Variants in BTBD9 observed in about 807,000 individuals in gnomAD.
BTBD9 encodes BTB/POZ domain-containing protein 9.
In BTBD9, 49 loss-of-function variants were observed where a neutral mutation model predicts 64.3. That is an observed-to-expected ratio of 0.76 (90% CI 0.61 to 0.97). The LOEUF (loss-of-function observed/expected upper bound fraction) is 0.97. BTBD9 is among the 50% of genes least tolerant of loss of function. The probability of loss-of-function intolerance (pLI) is 0.00; values close to 1 mark genes in which losing one functional copy is unlikely to be tolerated. For missense variants in BTBD9, 598 were observed against 762.1 expected (o/e 0.78, Z 2.53); for synonymous variants, 260 against 274.7 (o/e 0.95, Z 0.53).
intron 6 of BTBD9, among the ~76,000 whole-genome samples, chr6:38,353,090 A>C (rs1764585925): frequency 6.6e-6 from 1 of 152,248 alleles, no homozygotes; most frequent in African/African-American, 2.4e-5. Flanking sequence ...CTTCTGGAAT[A>C]AAAGAAGAGT....
intron 6 of BTBD9, among the ~76,000 whole-genome samples, chr6:38,509,278 G>A (rs1772676086): frequency 6.6e-6 from 1 of 152,186 alleles, no homozygotes; most frequent in Non-Finnish European, 1.5e-5. Context: ...TACCAGGAGT[G>A]CAATTTTTAA....
At chr6:38,607,358 T>C (rs568056601) in intron 1 of BTBD9, among the ~76,000 whole-genome samples, 1 of 152,312 alleles carries the variant, frequency 6.6e-6, no homozygotes, top group South Asian at 2.1e-4. Flanking sequence ...AAATGTAAAG[T>C]AATTCCATTT....
rs191617487 is a variant in BTBD9 at position 38,538,736 on chromosome 6, T to G, written c.1154+38864A>C. On this transcript the variant is annotated intron_variant, in intron 6 of 10. Transcript: ENST00000481247. ...CATCCTCCTACCTTAGTCTCCAGAG[T>G]AGCTGGGACTACAGGCATGTGCCAC... is the stretch of plus-strand genomic sequence containing the variant. Among the ~76,000 whole-genome samples, 158 of 151,984 alleles carry G rather than the reference T, an allele frequency of 1.0e-3. 1 individual carries two copies. The highest frequency in any genetic ancestry group is 3.5e-3 in the African/African-American group (146 of 41,436).
chr6:38,383,038 G>A (rs1022928547), intron 6 of BTBD9, among the ~76,000 whole-genome samples: 1 of 152,126 alleles, frequency 6.6e-6, no homozygotes, highest in Non-Finnish European at 1.5e-5. Flanking sequence ...CGCATTTTAT[G>A]AGGCTGATAC....
intron 9 of BTBD9, among the ~76,000 whole-genome samples, chr6:38,198,604 G>C (rs1396940826): frequency 1.3e-5 from 2 of 152,162 alleles, no homozygotes; most frequent in African/African-American, 4.8e-5. Context: ...TGACTCTACT[G>C]CACATACTAT....
intron 6 of BTBD9, among the ~76,000 whole-genome samples, chr6:38,353,106 G>A (rs867982472): frequency 7.9e-5 from 12 of 152,236 alleles, no homozygotes; most frequent in African/African-American, 2.2e-4. Flanking sequence ...AGAGTCAAAC[G>A]GGAAAGTACA....
chr6:38,307,473 G>A (rs879505934), intron 7 of BTBD9, among the ~76,000 whole-genome samples: 1 of 152,146 alleles, frequency 6.6e-6, no homozygotes, highest in Non-Finnish European at 1.5e-5. Context: ...TCCCCCACCT[G>A]CTTCTGTGAG....
chr6:38,434,825 C>T (rs942858409), intron 6 of BTBD9, among the ~76,000 whole-genome samples: 5 of 151,772 alleles, frequency 3.3e-5, no homozygotes, highest in South Asian at 2.1e-4. Flanking sequence ...ACTACAGTCC[C>T]GCAGTATCCA....
intron 6 of BTBD9, among the ~76,000 whole-genome samples, chr6:38,450,317 TAGAC>T (rs1403833282): frequency 3.3e-5 from 5 of 152,298 alleles, no homozygotes; most frequent in Admixed American, 6.5e-5. Context: ...TATTTACAGT[TAGAC>T]AGAATAAGTT....
In BTBD9 at chr6:38,288,398, C is replaced by T; in HGVS notation, c.1328G>A (p.Ser443Asn). 1.9e-6 allele frequency: 3 copies of T among 1,614,100 alleles called. No individual in the cohort carries two copies. The African/African-American group carries it at 4.0e-5, about 22-fold the overall frequency. The change falls in exon 8 of 11, where the codon AGC becomes AAC. Residue 443 changes from serine to asparagine, a missense_variant. Coordinates refer to ENST00000481247, the MANE Select transcript of BTBD9 (RefSeq NM_001099272.2). ...GTCCCCATTCAGCAAGGCATTTCGG[C>T]TCCGACTGACTCCTTCAATCACACT... is the stretch of plus-strand genomic sequence containing the variant. ...CASVIEGVSR[S>N]RNALLNGDTK...
chr6:38,502,859 A>T (rs1341159071), intron 6 of BTBD9, among the ~76,000 whole-genome samples: 2 of 152,242 alleles, frequency 1.3e-5, no homozygotes, highest in African/African-American at 2.4e-5. Flanking sequence ...CCATTATTCT[A>T]GGTGATCATG....
At chr6:38,437,863 T>C (rs977229237) in intron 6 of BTBD9, among the ~76,000 whole-genome samples, 16 of 151,832 alleles carry the variant, frequency 1.1e-4, no homozygotes, top group African/African-American at 3.6e-4. Context: ...GGGTGGGGAA[T>C]GGGAAAACAA....
chr6:38,261,122 A>C, intron 8 of BTBD9, among the ~76,000 whole-genome samples: 1 of 150,184 alleles, frequency 6.7e-6, no homozygotes, highest in Middle Eastern at 3.4e-3. Context: ...TTTTTTTTTT[A>C]ATTTTGTTGC....
In BTBD9 at chr6:38,594,318, T is replaced by C. The variant is rs1776946975; in HGVS notation, c.195A>G (p.Leu65=). 1.2e-6 allele frequency: 2 copies of C among 1,609,562 alleles called. No homozygotes were observed. Among genetic ancestry groups the C allele is most frequent in the African/African-American group, 2.7e-5 (2 of 74,792 alleles). The change falls in exon 3 of 11, where the codon TTA becomes TTG. Residue 65 remains leucine, a synonymous_variant. Coordinates refer to ENST00000481247, the MANE Select transcript of BTBD9 (RefSeq NM_001099272.2). Reference sequence around the variant, plus strand: ...GCTGAGACTCTCGCATTCCACCATATAATAATGCTCTGCACATCAGGGAAG... The same window carrying C: ...GCTGAGACTCTCGCATTCCACCATACAATAATGCTCTGCACATCAGGGAAG... The part of the protein sequence containing the change: ...AARCQYFRAL[L]YGGMRESQPE...
intron 6 of BTBD9, among the ~76,000 whole-genome samples, chr6:38,449,543 T>A (rs1410805435): frequency 2.0e-5 from 3 of 148,146 alleles, no homozygotes; most frequent in Admixed American, 6.7e-5. Flanking sequence ...AAAAAAAAAA[T>A]GATGCTGAGA....
At chr6:38,240,549 C>G (rs1186174672) in intron 9 of BTBD9, among the ~76,000 whole-genome samples, 1 of 152,126 alleles carries the variant, frequency 6.6e-6, no homozygotes, top group East Asian at 1.9e-4. Context: ...AAGGAAATGG[C>G]AAAAGAAGAA....
At chr6:38,587,191 C>G in intron 4 of BTBD9, 2 of 186,340 alleles carry the variant, frequency 1.1e-5, no homozygotes, top group South Asian at 2.3e-4. Context: ...TGACCACAGA[C>G]TCCCTGCAAC....
intron 6 of BTBD9, among the ~76,000 whole-genome samples, chr6:38,363,086 A>T (rs1053608822): frequency 6.6e-6 from 1 of 152,064 alleles, no homozygotes; most frequent in Non-Finnish European, 1.5e-5. Context: ...TTTTTATTTT[A>T]TTTATTTTAT....
chr6:38,406,878 T>C (rs1767191263), intron 6 of BTBD9, among the ~76,000 whole-genome samples: 1 of 152,254 alleles, frequency 6.6e-6, no homozygotes, highest in East Asian at 1.9e-4. Flanking sequence ...GCTGGGACTA[T>C]AAGCGAGTGC....
Sources: gnomAD v4.1 joint callset for allele counts (sites outside exome capture counted in the v4.1 genomes callset) on GRCh38, gnomAD v4.1.1 for gene constraint, MANE v1.5 for transcripts, NCBI Gene and HGNC (gene_info 2026-07-23, HGNC 2026-07-21) for gene names.